Variants in CTU2 observed in about 807,000 individuals in gnomAD.
The protein encoded by CTU2 is cytoplasmic tRNA 2-thiolation protein 2.
Under a neutral mutation model 64.1 loss-of-function variants are expected in CTU2, and 80 were observed. The observed-to-expected ratio is 1.25, with a 90% CI of 1.04 to 1.50. CTU2 has a LOEUF of 1.50. Among genes scored for constraint, CTU2 ranks in the 40% most tolerant of loss-of-function variants. CTU2 has a pLI of 0.00. For synonymous variants in CTU2, 482 were observed against 285.3 expected, an observed-to-expected ratio of 1.69 and a Z score of -6.95; for missense variants, 1,110 against 690.2, an observed-to-expected ratio of 1.61 and a Z score of -6.81.
chr16:88,707,634 G>A (rs1246548939), intron 2 of CTU2, among the ~76,000 whole-genome samples: 2 of 152,220 alleles, frequency 1.3e-5, no homozygotes, highest in Admixed American at 6.5e-5. Context: ...CAGGATAGAG[G>A]CTTGGAAGAC....
chr16:88,711,830 T>C (rs1329079505), intron 5 of CTU2, 135 bp downstream of exon 5: 26 of 783,796 alleles, frequency 3.3e-5, no homozygotes, highest in Admixed American at 1.4e-4. Flanking sequence ...GTGCTGCCCC[T>C]GCACTGAGGG....
chr16:88,711,487 G>A, intron 4 of CTU2, 148 bp from the exon 5 acceptor site: 1 of 770,096 alleles, frequency 1.3e-6, no homozygotes. Flanking sequence ...ACCTGAGTCT[G>A]AATGGCTTTG....
chr16:88,713,486 C>T (rs755215118), intron 8 of CTU2, 39 bp downstream of exon 8: 4 of 1,556,254 alleles, frequency 2.6e-6, no homozygotes, highest in Non-Finnish European at 2.6e-6. Flanking sequence ...CCCATCCTCA[C>T]CTTCACCCCT....
chr16:88,709,605 C>T (rs1327171317), intron 2 of CTU2: 4 of 347,056 alleles, frequency 1.2e-5, no homozygotes, highest in Non-Finnish European at 2.1e-5. Flanking sequence ...CTGTACGTGC[C>T]TAAGTCTGTC....
Position 88,712,386 on chromosome 16 carries a change from G to A in CTU2, c.453+3G>A. Reference sequence around the variant, plus strand: ...GGCATGTGGTGGCCTTAGAGGAGGTGGGAGGGCTGTCCCTGGAAAGGGGTC... The same window carrying A: ...GGCATGTGGTGGCCTTAGAGGAGGTAGGAGGGCTGTCCCTGGAAAGGGGTC... On this transcript the variant is annotated splice_donor_region_variant and intron_variant, in intron 6 of 14. Transcript: ENST00000453996. The A allele has an allele frequency of 6.3e-7, 1 of 1,597,268 alleles. No individual in the cohort carries two copies. The highest frequency in any genetic ancestry group is 8.5e-7 in the Non-Finnish European group (1 of 1,169,948).
chr16:88,709,601 G>A (rs932502268), intron 2 of CTU2: 6 of 314,890 alleles, frequency 1.9e-5, no homozygotes, highest in African/African-American at 8.6e-5. Flanking sequence ...TGCCCTGTAC[G>A]TGCCTAAGTC....
Position 88,713,705 on chromosome 16 carries a change from C to T in CTU2, c.932C>T (p.Thr311Ile), listed in dbSNP as rs1911578248. Reference protein sequence around the residue: ...VVVVRPMRDHTLKEVAFYNRL... With the variant: ...VVVVRPMRDHILKEVAFYNRL... ...GTGGTGCGGCCCATGCGGGACCACACCCTGAAGGAGGTCGCTTTCTACAAC... is the reference window on the plus strand; with the variant it reads ...GTGGTGCGGCCCATGCGGGACCACATCCTGAAGGAGGTCGCTTTCTACAAC... The change falls in exon 9 of 15, where the codon ACC becomes ATC. Residue 311 changes from threonine to isoleucine, a missense_variant. Transcript: ENST00000453996. 1.2e-6 allele frequency: 2 copies of T among 1,612,658 alleles called. No homozygotes were observed. Among genetic ancestry groups the T allele is most frequent in the African/African-American group, 2.7e-5 (2 of 75,048 alleles).
chr16:88,714,109 C>T (rs767079692), intron 9 of CTU2, 27 bp from the exon 10 acceptor site: 77 of 1,607,844 alleles, frequency 4.8e-5, no homozygotes, highest in Non-Finnish European at 5.6e-5. Context: ...TGGGCTTTCC[C>T]ATAGCCTCCA....
intron 2 of CTU2, chr16:88,709,671 C>T (rs1304335025): frequency 2.0e-6 from 1 of 493,052 alleles, no homozygotes; most frequent in African/African-American, 1.9e-5. Context: ...CGGGGCTCTG[C>T]CCTCGTTTGC....
chr16:88,706,751 C>T lies in CTU2; in HGVS notation c.68+153C>T, dbSNP rs1910875751. 3.0e-5 allele frequency: 17 copies of T among 561,548 alleles called. 1 individual carries two copies. In the South Asian group the frequency reaches 3.7e-4, roughly 12 times the overall value. The allele number at this position is 561,548 out of a possible 1,614,324, so 34.8% of individuals were successfully genotyped here. ...TCGGGGAATGCCTGTCAAGCGGTGA[C>T]GGCCACCTAGAAGGGGACTTACTCC... is the stretch of plus-strand genomic sequence containing the variant. On this transcript the variant is annotated intron_variant, in intron 1 of 14. Transcript: ENST00000453996.
rs760649787 is a variant in CTU2 at position 88,715,200 on chromosome 16, G to C, written c.1497G>C (p.Glu499Asp). ...TCTCTAGGGCCTGGGGCTTGCAGGA[G>C]ATCCGGGACTGTCTGATTGAGGACA... ...LRTQRAWGLQ[E>D]IRDCLIEDSD... is the part of the protein sequence containing the mutation. Residue 499 changes from glutamate (E) to aspartate (D), a missense_variant, in exon 15 of 15, where the codon GAG becomes GAC. Glu to Asp is a conservative substitution (Grantham distance 45, BLOSUM62 2). Coordinates refer to ENST00000453996, the MANE Select transcript of CTU2 (RefSeq NM_001012759.3). The C allele has an allele frequency of 9.9e-6, 16 of 1,612,512 alleles. No individual in the cohort carries two copies. In the East Asian group the frequency reaches 2.9e-4, roughly 29 times the overall value.
At chr16:88,707,348 G>A (rs1910953967) in intron 2 of CTU2, 138 bp downstream of exon 2, 1 of 812,296 alleles carries the variant, frequency 1.2e-6, no homozygotes, top group Non-Finnish European at 2.0e-6. Context: ...GGTCCCTCGT[G>A]CCCCTGGTGT....
intron 5 of CTU2, among the ~76,000 whole-genome samples, 189 bp downstream of exon 5, chr16:88,711,884 T>C (rs1911350047): frequency 6.6e-6 from 1 of 152,172 alleles, no homozygotes; most frequent in African/African-American, 2.4e-5. Flanking sequence ...GATGTATCCA[T>C]CGTTAGGTGG....
At chr16:88,707,041 C>T (rs1056374415) in intron 1 of CTU2, 95 bp from the exon 2 acceptor site, 1 of 1,272,236 alleles carries the variant, frequency 7.9e-7, no homozygotes, top group African/African-American at 1.5e-5. Context: ...TGACCCAACT[C>T]AGGGTGAGAA....
chr16:88,712,034 C>G (rs1597428211), intron 5 of CTU2: 2 of 651,320 alleles, frequency 3.1e-6, no homozygotes, highest in Non-Finnish European at 5.6e-6. Flanking sequence ...GGCCCAGGGG[C>G]CGACTCCCCG....
chr16:88,707,220 G>T lies in CTU2; in HGVS notation c.143+10G>T, dbSNP rs1201239185. On this transcript the variant is annotated intron_variant, in intron 2 of 14. Coordinates refer to ENST00000453996, the MANE Select transcript of CTU2 (RefSeq NM_001012759.3). ...GAGATGCCTTCTGCAGGTGAGGCCT[G>T]GAGGTGGCTGAGACCCTGGCAAACA... 2.5e-6 allele frequency: 4 copies of T among 1,613,502 alleles called. No homozygotes were observed. The African/African-American group carries it at 4.0e-5, about 16-fold the overall frequency.
intron 2 of CTU2, among the ~76,000 whole-genome samples, chr16:88,708,562 C>T (rs1000260545): frequency 6.6e-6 from 1 of 152,132 alleles, no homozygotes; most frequent in Non-Finnish European, 1.5e-5. Flanking sequence ...GGGTCACTTC[C>T]CATGTCCCAG....
At chr16:88,709,891 A>G (rs1456797805) in intron 2 of CTU2, 47 bp from the exon 3 acceptor site, 5 of 1,541,206 alleles carry the variant, frequency 3.2e-6, no homozygotes, top group Non-Finnish European at 4.5e-6. Flanking sequence ...GACGCTGCTC[A>G]CTGTGCGGGT....
In CTU2 at chr16:88,713,769, C is replaced by A; in HGVS notation, c.996C>A (p.Val332=). The A allele has an allele frequency of 1.2e-6, 2 of 1,612,634 alleles. No individual in the cohort carries two copies. Among genetic ancestry groups the A allele is most frequent in the Non-Finnish European group, 1.7e-6 (2 of 1,179,856 alleles). Residue 332 remains valine (V), a synonymous_variant, in exon 9 of 15, where the codon GTC becomes GTA. Transcript: ENST00000453996. ...TTCCTTCTGTCTTCACACCAGCCGTCGACACCAAGGTGGGCCTTGTGGGCT... is the reference window on the plus strand; with the variant it reads ...TTCCTTCTGTCTTCACACCAGCCGTAGACACCAAGGTGGGCCTTGTGGGCT... The part of the protein sequence containing the change: ...FSVPSVFTPA[V]DTKAPEKASI...
Sources: allele counts gnomAD v4.1 joint callset (sites outside exome capture counted in the v4.1 genomes callset), GRCh38; gene constraint gnomAD v4.1.1; transcripts MANE v1.5; gene names NCBI Gene and HGNC (gene_info 2026-07-23, HGNC 2026-07-21).